The following SCOC variants were observed in gnomAD, a reference collection of about 807,000 sequenced individuals.
SCOC encodes short coiled coil protein.
SCOC carries 7 observed loss-of-function variants against 9.9 expected under a neutral mutation model. The observed-to-expected ratio is 0.71, with a 90% CI of 0.40 to 1.33. SCOC has a LOEUF of 1.33. Ranked by LOEUF, SCOC falls within the 40% of genes most tolerant of loss-of-function variation. SCOC has a pLI of 0.01. For synonymous variants in SCOC, 19 were observed against 28.2 expected (o/e 0.67, Z 1.03); for missense variants, 66 against 89.7 (o/e 0.74, Z 1.07).
chr4:140,273,174 A>G (rs1229615477), intron 1 of SCOC, among the ~76,000 whole-genome samples: 1 of 152,206 alleles, frequency 6.6e-6, no homozygotes, highest in Non-Finnish European at 1.5e-5. Flanking sequence ...TGGAAAACAC[A>G]ATAGAATACA....
upstream of SCOC, among the ~76,000 whole-genome samples, chr4:140,341,246 C>T (rs1445364295): frequency 6.6e-6 from 1 of 152,180 alleles, no homozygotes; most frequent in Admixed American, 6.5e-5. Context: ...CAAGTGTATG[C>T]ATTAAAGCAA....
At chr4:140,363,527 C>T (rs1056732557) in intron 2 of SCOC, among the ~76,000 whole-genome samples, 10 of 152,302 alleles carry the variant, frequency 6.6e-5, no homozygotes, top group Admixed American at 6.5e-4. Context: ...TAAAAAGTTA[C>T]AATTTATCAA....
chr4:140,270,596 A>C (rs1730821578), intron 1 of SCOC, among the ~76,000 whole-genome samples: 1 of 152,200 alleles, frequency 6.6e-6, no homozygotes, highest in Non-Finnish European at 1.5e-5. Context: ...GCTCTGAGGC[A>C]TAGGGTCTAC....
chr4:140,350,104 C>A (rs1468509556), intron 2 of SCOC, among the ~76,000 whole-genome samples: 1 of 152,196 alleles, frequency 6.6e-6, no homozygotes, highest in Non-Finnish European at 1.5e-5. Flanking sequence ...CACTACCCAC[C>A]TTTCTTTTTG....
rs1731783512 is a variant in SCOC at position 140,300,527 on chromosome 4, A to T, written c.-18-43094A>T. 1.3e-5 allele frequency among the ~76,000 whole-genome samples: 2 copies of T among 152,230 alleles called. 1 individual carries two copies. The highest frequency in any genetic ancestry group is 4.1e-4 in the South Asian group (2 of 4,834). ...CAGCTTCATCACTGGAAGTTGGCAG[A>T]TTCTCAGAACAGCACTGGAGAGAAA... On this transcript the variant is annotated intron_variant, in intron 1 of 4. Coordinates refer to the SCOC transcript ENST00000394205.
chr4:140,378,260 A>G (rs1410171047), intron 1 of SCOC, among the ~76,000 whole-genome samples: 5 of 152,166 alleles, frequency 3.3e-5, no homozygotes, highest in African/African-American at 1.2e-4. Flanking sequence ...TAAACAGTAT[A>G]TGTAAAGCAA....
At chr4:140,274,109 G>C (rs906520959) in intron 1 of SCOC, among the ~76,000 whole-genome samples, 27 of 152,192 alleles carry the variant, frequency 1.8e-4, no homozygotes, top group Non-Finnish European at 3.5e-4. Flanking sequence ...ATAGGGAAAA[G>C]AAGCAATTCC....
At chr4:140,317,526 A>G (rs62345658) in intron 1 of SCOC, among the ~76,000 whole-genome samples, 11,628 of 151,592 alleles carry the variant, frequency 0.077, 621 homozygotes, top group Middle Eastern at 0.17. Context: ...GGACCCCCTT[A>G]GAGTTGTAAG....
At chr4:140,373,893 C>G in intron 1 of SCOC, 176 bp downstream of exon 1, 1 of 746,016 alleles carries the variant, frequency 1.3e-6, no homozygotes, top group Non-Finnish European at 2.3e-6. Context: ...TGGCTCCCGG[C>G]AGAACCCTTG....
chr4:140,269,761 T>C (rs1730802288), intron 1 of SCOC, among the ~76,000 whole-genome samples: 1 of 152,164 alleles, frequency 6.6e-6, no homozygotes, highest in African/African-American at 2.4e-5. Context: ...ACCTTTTTTC[T>C]TTTTTTAGAG....
intron 1 of SCOC, among the ~76,000 whole-genome samples, chr4:140,298,685 C>T (rs1475479883): frequency 6.6e-6 from 1 of 152,198 alleles, no homozygotes; most frequent in Non-Finnish European, 1.5e-5. Flanking sequence ...CCTCTTTTCT[C>T]TAACTTTTTG....
At chr4:140,338,836 C>A (rs1033383419), upstream of SCOC, among the ~76,000 whole-genome samples, 3 of 151,974 alleles carry the variant, frequency 2.0e-5, no homozygotes. Context: ...CATGCTCATG[C>A]GTAGGAAGAA....
At chr4:140,304,712 T>C (rs1731914859) in intron 1 of SCOC, among the ~76,000 whole-genome samples, 2 of 152,180 alleles carry the variant, frequency 1.3e-5, no homozygotes, top group South Asian at 4.1e-4. Context: ...GCAGGAAGGC[T>C]GGTCTTTGGG....
chr4:140,337,883 G>C (rs944043859), intron 1 of SCOC, among the ~76,000 whole-genome samples: 3 of 152,146 alleles, frequency 2.0e-5, no homozygotes, highest in African/African-American at 7.2e-5. Context: ...GGAGGAGCTG[G>C]TACCATTCCT....
upstream of SCOC, among the ~76,000 whole-genome samples, chr4:140,369,955 T>A (rs543595844): frequency 3.6e-3 from 474 of 130,904 alleles, 2 homozygotes; most frequent in African/African-American, 0.012. Flanking sequence ...CTCAGCTCAC[T>A]ACAACCTCCA....
chr4:140,338,133 G>C (rs577546683), intron 1 of SCOC, among the ~76,000 whole-genome samples: 1 of 152,278 alleles, frequency 6.6e-6, no homozygotes, highest in Admixed American at 6.5e-5. Flanking sequence ...GGGATGCAAG[G>C]CTGGTTCAAT....
At chr4:140,370,506 C>T (rs1002406086), upstream of SCOC, among the ~76,000 whole-genome samples, 1 of 152,088 alleles carries the variant, frequency 6.6e-6, no homozygotes, top group Non-Finnish European at 1.5e-5. Context: ...GTAATTTATT[C>T]TGAGGTGTGG....
intron 2 of SCOC, among the ~76,000 whole-genome samples, chr4:140,360,122 C>T (rs952305635): frequency 2.0e-5 from 3 of 152,140 alleles, no homozygotes; most frequent in African/African-American, 7.2e-5. Flanking sequence ...AATTGTGCTA[C>T]TTGGATATGA....
chr4:140,335,401 C>T (rs1193709188), intron 1 of SCOC, among the ~76,000 whole-genome samples: 3 of 152,172 alleles, frequency 2.0e-5, no homozygotes, highest in African/African-American at 7.2e-5. Context: ...AGAGTAGTCA[C>T]TCAATAAATA....
Sources: gnomAD v4.1 joint callset for allele counts (sites outside exome capture counted in the v4.1 genomes callset) on GRCh38, gnomAD v4.1.1 for gene constraint, MANE v1.5 for transcripts, NCBI Gene and HGNC (gene_info 2026-07-23, HGNC 2026-07-21) for gene names.